The following TTI1 variants were observed in gnomAD, a reference collection of about 807,000 sequenced individuals.
TTI1 encodes TELO2 interacting protein 1, also known as TELO2-interacting protein 1 homolog.
Under a neutral mutation model 85.4 loss-of-function variants are expected in TTI1, and 52 were observed. That is an observed-to-expected ratio of 0.61 (90% CI 0.49 to 0.77). The LOEUF (loss-of-function observed/expected upper bound fraction) is 0.77. TTI1 is among the 30% of genes least tolerant of loss of function. The pLI is 0.00. For missense variants in TTI1, 1,173 were observed against 1,296.0 expected (o/e 0.91, Z 1.46); for synonymous variants, 512 against 503.9 (o/e 1.02, Z -0.22).
At chr20:37,996,712 A>G in intron 6 of TTI1, 37 bp downstream of exon 6, 2 of 1,575,642 alleles carry the variant, frequency 1.3e-6, no homozygotes, top group Non-Finnish European at 1.7e-6. Flanking sequence ...GACAGATGCT[A>G]AGTGTGTGTG....
At chr20:38,031,457 CATCTT>C (rs1732447403) in intron 1 of TTI1, among the ~76,000 whole-genome samples, 1 of 152,182 alleles carries the variant, frequency 6.6e-6, no homozygotes, top group African/African-American at 2.4e-5. Context: ...TCTCAAATGA[CATCTT>C]ATCAATGAGG....
At chr20:38,020,681 T>G (rs990231334) in intron 1 of TTI1, among the ~76,000 whole-genome samples, 2 of 151,556 alleles carry the variant, frequency 1.3e-5, no homozygotes, top group African/African-American at 4.9e-5. Context: ...AACAGAAACA[T>G]GAAAAAGGAC....
At position 38,005,496 on chromosome 20, in the gene TTI1, G is replaced by GA. The variant is rs1353854929; in HGVS notation, c.2503+700dup. Among the ~76,000 whole-genome samples, 9 of 151,598 alleles carry GA rather than the reference G, an allele frequency of 5.9e-5. No homozygotes were observed. In the East Asian group the frequency reaches 1.5e-3, roughly 26 times the overall value. ...CATATAAATAGACAATGGGAATAAG[G>GA]AAAAAAAACCTGTTAGGAAAGAAGC... On this transcript the variant is annotated intron_variant, in intron 3 of 7. Transcript: ENST00000373447.
chr20:37,997,091 C>T, intron 5 of TTI1, 138 bp from the exon 6 acceptor site: 1 of 1,010,972 alleles, frequency 9.9e-7, no homozygotes, highest in Non-Finnish European at 1.4e-6. Context: ...TAATTCCTTG[C>T]CCATGGTTTG....
At chr20:38,023,041 A>G (rs1474531903) in intron 1 of TTI1, among the ~76,000 whole-genome samples, 1 of 152,236 alleles carries the variant, frequency 6.6e-6, no homozygotes. Context: ...AGGAGTTCAG[A>G]TGTAAGAATC....
In TTI1 at chr20:38,012,269, C is replaced by G. The variant is rs544143684; in HGVS notation, c.1548G>C (p.Val516=). 3 of 1,614,160 alleles carry G rather than the reference C, an allele frequency of 1.9e-6. No homozygotes were observed. Among genetic ancestry groups the G allele is most frequent in the South Asian group, 1.1e-5 (1 of 91,084 alleles). ...TCATGGCAGCTTGCTTCCGGTAAACCACAGATTGATGGTAAAGTTCCATAA... is the reference window on the plus strand; with the variant it reads ...TCATGGCAGCTTGCTTCCGGTAAACGACAGATTGATGGTAAAGTTCCATAA... The part of the protein sequence containing the change: ...DHFMELYHQS[V]VYRKQAAMIL... The change falls in exon 2 of 8, where the codon GTG becomes GTC. Residue 516 remains valine (V), a synonymous_variant. Transcript: ENST00000373447.
intron 1 of TTI1, among the ~76,000 whole-genome samples, chr20:38,024,153 T>C (rs1161808969): frequency 1.3e-5 from 2 of 152,136 alleles, no homozygotes; most frequent in African/African-American, 4.8e-5. Flanking sequence ...AGAATATATA[T>C]ACAAATGACC....
intron 7 of TTI1, among the ~76,000 whole-genome samples, 186 bp downstream of exon 7, chr20:37,996,189 G>A (rs182881754): frequency 5.9e-5 from 9 of 152,304 alleles, no homozygotes. Flanking sequence ...AGAGGAAAAG[G>A]TTACTGGCAA....
At chr20:37,985,920 A>G (rs1361768763) in intron 7 of TTI1, among the ~76,000 whole-genome samples, 1 of 152,198 alleles carries the variant, frequency 6.6e-6, no homozygotes, top group East Asian at 1.9e-4. Flanking sequence ...TGGTTGTTGG[A>G]GAAGTGATTA....
At chr20:38,020,349 T>TAC (rs2073753353) in intron 1 of TTI1, among the ~76,000 whole-genome samples, 1 of 127,462 alleles carries the variant, frequency 7.8e-6, no homozygotes, top group Non-Finnish European at 1.7e-5. Flanking sequence ...TATATATATA[T>TAC]ATATGTATGT....
chr20:38,020,323 A>AAAAAAATATATATATATATATAT, intron 1 of TTI1, among the ~76,000 whole-genome samples: 4 of 50,386 alleles, frequency 7.9e-5, no homozygotes, highest in South Asian at 9.2e-4. Context: ...AAAAAAAAAA[A>AAAAAAATATATATATATATATAT]ATATATATAT....
chr20:38,007,675 A>G (rs2073521537), intron 2 of TTI1, among the ~76,000 whole-genome samples: 1 of 152,184 alleles, frequency 6.6e-6, no homozygotes, highest in Non-Finnish European at 1.5e-5. Flanking sequence ...TGGGAAAAAA[A>G]CTCTGATAAC....
In TTI1 at chr20:37,999,319, C is replaced by A; in HGVS notation, c.2662G>T (p.Val888Leu). The change falls in exon 5 of 8, where the codon GTG (valine) becomes TTG (leucine). Residue 888 changes from valine (V) to leucine (L), a missense_variant. Coordinates refer to ENST00000373447, the MANE Select transcript of TTI1 (RefSeq NM_001303457.2). ...AGAACAACCACACACAGATCCAGCA[C>A]ATCCAAGACCTGAAAGAGACACGAT... ...NLQIRLKVLD[V>L]LDLCVVVLQS... The A allele has an allele frequency of 7.0e-7, 1 of 1,422,762 alleles. No homozygotes were observed. Among genetic ancestry groups the A allele is most frequent in the Non-Finnish European group, 9.3e-7 (1 of 1,079,434 alleles). 88.1% of individuals were successfully genotyped at this position (1,422,762 alleles called of 1,614,324 possible). A position where few individuals can be genotyped will look rare whatever the true frequency, so the allele number is the denominator to read the frequency against.
intron 1 of TTI1, among the ~76,000 whole-genome samples, chr20:38,032,703 C>A (rs539953957): frequency 6.6e-6 from 1 of 152,174 alleles, no homozygotes; most frequent in Admixed American, 6.5e-5. Context: ...TCTCGCGTAG[C>A]TGGAACTGCA....
chr20:38,001,495 G>A (rs2073424581), intron 4 of TTI1, among the ~76,000 whole-genome samples: 1 of 152,194 alleles, frequency 6.6e-6, no homozygotes, highest in Admixed American at 6.5e-5. Flanking sequence ...GAATGTATCA[G>A]CCAGGCACCT....
In TTI1 at chr20:38,020,350, A is replaced by ATATATATG. The variant is rs1487473454; in HGVS notation, c.-41-6494_-41-6493insCATATATA. ...TATATATATATATATATATATATAT[A>ATATATATG]TATGTATGTATCTTGATTCCATCAC... On this transcript the variant is annotated intron_variant, in intron 1 of 7. Coordinates refer to ENST00000373447, the MANE Select transcript of TTI1 (RefSeq NM_001303457.2). Among the ~76,000 whole-genome samples the ATATATATG allele has an allele frequency of 9.5e-5, 12 of 125,844 alleles. No homozygotes were observed. In the East Asian group the frequency reaches 1.7e-3, roughly 18 times the overall value. 82.6% of individuals were successfully genotyped at this position (125,844 alleles called of 152,430 possible). A position where few individuals can be genotyped will look rare whatever the true frequency, so the allele number is the denominator to read the frequency against.
Position 37,999,231 on chromosome 20 carries a change from C to A in TTI1, c.2750G>T (p.Arg917Leu). ...TGCCAGGGGGGCGTCCCGTGTGAGT[C>A]GGTGAACGAGCGAGGGCCAGGCCTG... Reference protein sequence around the residue: ...AHQAWPSLVHRLTRDAPLAVL... With the variant: ...AHQAWPSLVHLLTRDAPLAVL... Residue 917 changes from arginine (R) to leucine (L), a missense_variant, in exon 5 of 8, where the codon CGA (arginine) becomes CTA (leucine). Transcript: ENST00000373447. 1 of 1,514,228 alleles carries A rather than the reference C, an allele frequency of 6.6e-7. No individual in the cohort carries two copies. The highest frequency in any genetic ancestry group is 8.9e-7 in the Non-Finnish European group (1 of 1,129,178). The allele number at this position is 1,514,228 out of a possible 1,614,324, so 93.8% of individuals were successfully genotyped here. A position where few individuals can be genotyped will look rare whatever the true frequency, so the allele number is the denominator to read the frequency against.
intron 1 of TTI1, among the ~76,000 whole-genome samples, chr20:38,017,642 C>T (rs1340866735): frequency 6.6e-6 from 1 of 152,130 alleles, no homozygotes; most frequent in Non-Finnish European, 1.5e-5. Flanking sequence ...GAAGACAACC[C>T]AGTAGAGATT....
chr20:37,990,897 T>C (rs2073255336), intron 7 of TTI1, among the ~76,000 whole-genome samples: 1 of 152,176 alleles, frequency 6.6e-6, no homozygotes, highest in Non-Finnish European at 1.5e-5. Context: ...ATCAGTGACA[T>C]GACAACACCA....
Sources: allele counts gnomAD v4.1 joint callset (sites outside exome capture counted in the v4.1 genomes callset), GRCh38; gene constraint gnomAD v4.1.1; transcripts MANE v1.5; gene names NCBI Gene and HGNC (gene_info 2026-07-23, HGNC 2026-07-21).